Variants in CACNA1F observed in about 807,000 individuals in gnomAD.
The protein encoded by CACNA1F is calcium voltage-gated channel subunit alpha1 F.
CACNA1F carries 59 observed loss-of-function variants against 143.8 expected under a neutral mutation model. That is an observed-to-expected ratio of 0.41 (90% CI 0.33 to 0.51). The LOEUF is 0.51. Among genes scored for constraint, CACNA1F ranks in the 20% least tolerant of loss-of-function variants. CACNA1F has a pLI of 0.22. For synonymous variants in CACNA1F, 643 were observed against 649.1 expected (o/e 0.99, Z 0.14); for missense variants, 1,411 against 1,647.5 (o/e 0.86, Z 2.48).
In CACNA1F at chrX:49,210,684, C is replaced by T; in HGVS notation, c.4391G>A (p.Gly1464Asp). The part of the protein sequence containing the change: ...IWSEYDPGAK[G>D]RIKHLDVVAL... Reference sequence around the variant, plus strand: ...AACCACATCCAAGTGTTTGATGCGGCCCCTGGAGGAGTTGGGGAGGTACCA... The same window carrying T: ...AACCACATCCAAGTGTTTGATGCGGTCCCTGGAGGAGTTGGGGAGGTACCA... The change falls in exon 38 of 48, where the codon GGC becomes GAC. Residue 1464 changes from glycine to aspartate, a missense_variant and splice_region_variant. Physicochemically the swap from Gly to Asp is moderately conservative, Grantham distance 94. Transcript: ENST00000323022. 1 of 1,203,799 alleles carries T rather than the reference C, an allele frequency of 8.3e-7. No individual in the cohort carries two copies. Among genetic ancestry groups the T allele is most frequent in the Non-Finnish European group, 1.1e-6 (1 of 889,714 alleles).
rs373293945 is a variant in CACNA1F at position 49,218,735 on chromosome X, T to C, written c.2734A>G (p.Met912Val). ...SIFTVEILLK[M>V]TVFGAFLHRG... ...TGCAGGAAGGCCCCAAACACTGTCA[T>C]CTGGGGACAGGACAAGAGGCTAGAC... is the stretch of plus-strand genomic sequence containing the variant. Residue 912 changes from methionine to valine, a missense_variant and splice_region_variant, in exon 23 of 48, where the codon ATG becomes GTG. Met to Val is a conservative substitution (Grantham distance 21). This residue lies in a region of CACNA1F where 950 missense variants were observed against 1,128.1 expected (regional missense o/e 0.84). Transcript: ENST00000323022. 1.9e-6 allele frequency: 2 copies of C among 1,061,379 alleles called. No individual in the cohort carries two copies. Among genetic ancestry groups the C allele is most frequent in the Non-Finnish European group, 2.5e-6 (2 of 805,078 alleles). 87.5% of individuals were successfully genotyped at this position (1,061,379 alleles called of 1,213,427 possible). A position where few individuals can be genotyped will look rare whatever the true frequency, so the allele number is the denominator to read the frequency against.
intron 6 of CACNA1F, among the ~76,000 whole-genome samples, chrX:49,228,651 G>A (rs1019517114): frequency 8.9e-6 from 1 of 112,438 alleles, no homozygotes. Flanking sequence ...CACAACTTCC[G>A]CCTCCCGGGT....
Position 49,230,364 on chromosome X carries a change from T to G in CACNA1F, c.673A>C (p.Ile225Leu). 1 of 1,209,373 alleles carries G rather than the reference T, an allele frequency of 8.3e-7. No homozygotes were observed. Among genetic ancestry groups the G allele is most frequent in the Non-Finnish European group, 1.1e-6 (1 of 894,298 alleles). ...GCCTTCATGATGGAATTGAGCACTATGTGCAGGCCTGCGGGGAGGGAGGGG... is the reference window on the plus strand; with the variant it reads ...GCCTTCATGATGGAATTGAGCACTAGGTGCAGGCCTGCGGGGAGGGAGGGG... ...RLVSGVPSLHIVLNSIMKALV... is the reference protein window; with the variant it reads ...RLVSGVPSLHLVLNSIMKALV... Residue 225 changes from isoleucine (I) to leucine (L), a missense_variant, in exon 6 of 48, where the codon ATA (isoleucine) becomes CTA (leucine). By Grantham distance (5) the Ile-to-Leu change is conservative. Around this residue, in one of 3 missense-constraint regions of CACNA1F, gnomAD observed 950 missense variants for 1,128.1 expected, o/e 0.84. Coordinates refer to ENST00000323022, the MANE Select transcript of CACNA1F (RefSeq NM_001256789.3).
Position 49,231,237 on chromosome X carries a change from G to A in CACNA1F, c.346C>T (p.Pro116Ser), listed in dbSNP as rs1557111309. Residue 116 changes from proline to serine, a missense_variant, in exon 3 of 48, where the codon CCT becomes TCT. Pro to Ser is a moderately conservative substitution (Grantham distance 74). Transcript: ENST00000323022. The stretch of plus-strand genomic sequence containing the variant: ...TTGGCAGTGTTGGAGTCGTCCTCAG[G>A]GAAGGGGATGTAAACTCCCAGGGCC... ...CVALGVYIPF[P>S]EDDSNTANHN... 1 of 1,165,883 alleles carries A rather than the reference G, an allele frequency of 8.6e-7. No individual in the cohort carries two copies. The highest frequency in any genetic ancestry group is 1.1e-6 in the Non-Finnish European group (1 of 871,009).
chrX:49,232,397 C>G (rs1266524016), intron 1 of CACNA1F, among the ~76,000 whole-genome samples: 7 of 111,379 alleles, frequency 6.3e-5, no homozygotes, highest in African/African-American at 2.3e-4. Context: ...GCTAAGGCCA[C>G]TCCCAGTTCC....
Position 49,226,493 on chromosome X carries a change from G to C in CACNA1F, c.1379C>G (p.Pro460Arg). The C allele has an allele frequency of 8.4e-7, 1 of 1,187,621 alleles. No homozygotes were observed. Among genetic ancestry groups the C allele is most frequent in the Non-Finnish European group, 1.1e-6 (1 of 882,748 alleles). The change falls in exon 11 of 48, where the codon CCA becomes CGA. Residue 460 changes from proline (P) to arginine (R), a missense_variant. Pro to Arg is a moderately radical substitution (Grantham distance 103). Coordinates refer to ENST00000323022, the MANE Select transcript of CACNA1F (RefSeq NM_001256789.3). ...THSTSSHASL[P>R]ASDTGSMTET... ...TGTCATGGAACCGGTGTCACTGGCT[G>C]GGAGGCTGGCTGTAGGCAAGGTGGG...
Position 49,211,142 on chromosome X carries a change from C to T in CACNA1F, c.4261-50G>A, listed in dbSNP as rs1557106154. 6.7e-6 allele frequency: 8 copies of T among 1,185,980 alleles called. No homozygotes were observed. The South Asian group carries it at 1.3e-4, about 19-fold the overall frequency. On this transcript the variant is annotated intron_variant, in intron 36 of 47. Coordinates refer to ENST00000323022, the MANE Select transcript of CACNA1F (RefSeq NM_001256789.3). The stretch of plus-strand genomic sequence containing the variant: ...AGTTAGGTGAAGGGCAGAACACTGT[C>T]ATGGACGGATGGTGGGAGGCTGGGG...
chrX:49,228,561 C>T (rs782645131), intron 6 of CACNA1F, 114 bp from the exon 7 acceptor site: 181 of 579,316 alleles, frequency 3.1e-4, no homozygotes, highest in Admixed American at 3.1e-4. Context: ...TTCTCTTTCT[C>T]TCTTTCTTTC....
chrX:49,215,212 C>A lies in CACNA1F; in HGVS notation c.3471G>T (p.Gln1157His), dbSNP rs782392576. The A allele has an allele frequency of 1.7e-6, 2 of 1,210,873 alleles. No homozygotes were observed. The highest frequency in any genetic ancestry group is 2.2e-6 in the Non-Finnish European group (2 of 895,219). Reference protein sequence around the residue: ...RQCVEYALKAQPLRRYIPKNP... With the variant: ...RQCVEYALKAHPLRRYIPKNP... ...TCTTGGGGATGTAACGGCGGAGTGG[C>A]TGGGCCTTGAGGGCATATTCCACAC... Residue 1157 changes from glutamine (Q) to histidine (H), a missense_variant, in exon 29 of 48, where the codon CAG (glutamine) becomes CAT (histidine). By Grantham distance (24) the Gln-to-His change is conservative (BLOSUM62 0). Around this residue, in one of 3 missense-constraint regions of CACNA1F, gnomAD observed 950 missense variants for 1,128.1 expected, o/e 0.84. Transcript: ENST00000323022.
chrX:49,232,734 G>A (rs188682824), intron 1 of CACNA1F, among the ~76,000 whole-genome samples: 8 of 111,639 alleles, frequency 7.2e-5, no homozygotes, highest in Admixed American at 2.9e-4. Context: ...GGCTGAATGG[G>A]GAGTCACACT....
At chrX:49,213,974 A>AG in intron 30 of CACNA1F, 72 bp from the exon 31 acceptor site, 1 of 744,044 alleles carries the variant, frequency 1.3e-6, no homozygotes, top group Non-Finnish European at 2.1e-6. Flanking sequence ...CAGTAGTAGT[A>AG]GGGGGCGCCG....
At chrX:49,214,750 G>A (rs2065693433) in intron 29 of CACNA1F, among the ~76,000 whole-genome samples, 1 of 111,789 alleles carries the variant, frequency 8.9e-6, no homozygotes, top group Non-Finnish European at 1.9e-5. Flanking sequence ...AATACATGAG[G>A]TAATTACCAC....
At chrX:49,230,795 G>A (rs1270281873) in intron 4 of CACNA1F, 55 bp downstream of exon 4, 3 of 1,146,677 alleles carry the variant, frequency 2.6e-6, no homozygotes, top group African/African-American at 3.6e-5. Flanking sequence ...CCAGAATTCA[G>A]CGGGCCTGAC....
chrX:49,225,178 G>A (rs782582050), intron 13 of CACNA1F, among the ~76,000 whole-genome samples, 192 bp from the exon 14 acceptor site: 1 of 108,361 alleles, frequency 9.2e-6, no homozygotes, highest in African/African-American at 3.4e-5. Flanking sequence ...GCTTGGAGAT[G>A]GGGATGAGGG....
intron 21 of CACNA1F, 136 bp from the exon 22 acceptor site, chrX:49,219,077 G>A (rs1019324983): frequency 3.6e-5 from 22 of 611,310 alleles, no homozygotes; most frequent in African/African-American, 3.3e-4. Flanking sequence ...CTACATGGGC[G>A]CCTTTGGCCT....
At position 49,212,802 on chromosome X, in the gene CACNA1F, T is replaced by C. The variant is rs1369619634; in HGVS notation, c.3814-7A>G. 8.3e-7 allele frequency: 1 copy of C among 1,206,951 alleles called. No homozygotes were observed. The highest frequency in any genetic ancestry group is 1.1e-6 in the Non-Finnish European group (1 of 893,854). Reference sequence around the variant, plus strand: ...GGGAGCTGTCCTCAGAGCTCTGGGGTGAGGGGTGCAGTAGGGATGCTCAGT... The same window carrying C: ...GGGAGCTGTCCTCAGAGCTCTGGGGCGAGGGGTGCAGTAGGGATGCTCAGT... On this transcript the variant is annotated splice_polypyrimidine_tract_variant and splice_region_variant and intron_variant, in intron 32 of 47. Coordinates refer to ENST00000323022, the MANE Select transcript of CACNA1F (RefSeq NM_001256789.3).
At chrX:49,230,679 T>C in intron 4 of CACNA1F, 70 bp from the exon 5 acceptor site, 1 of 1,111,370 alleles carries the variant, frequency 9.0e-7, no homozygotes. Flanking sequence ...CCTAACCTTC[T>C]CAGAAAAGCA....
intron 41 of CACNA1F, 76 bp downstream of exon 41, chrX:49,209,553 A>G (rs1225534152): frequency 1.8e-5 from 21 of 1,177,082 alleles, no homozygotes; most frequent in Non-Finnish European, 2.4e-5. Context: ...TGGGTTTCAC[A>G]AGATCAAAAT....
rs781999409 is a variant in CACNA1F at position 49,225,920 on chromosome X, G to A, written c.1640C>T (p.Thr547Ile). 1 of 1,167,978 alleles carries A rather than the reference G, an allele frequency of 8.6e-7. No individual in the cohort carries two copies. Among genetic ancestry groups the A allele is most frequent in the African/African-American group, 1.8e-5 (1 of 56,380 alleles). ...GGCTGGGGGTGTACCCTGGATCTGG[G>A]TGAGCCACACAGGCTGCCCGTGGTG... ...SEHHGQPVWL[T>I]QIQEYANKVL... The change falls in exon 13 of 48, where the codon ACC (threonine) becomes ATC (isoleucine). Residue 547 changes from threonine (T) to isoleucine (I), a missense_variant. By Grantham distance (89) the Thr-to-Ile change is moderately conservative. Around this residue, in one of 3 missense-constraint regions of CACNA1F, gnomAD observed 950 missense variants for 1,128.1 expected, o/e 0.84. Transcript: ENST00000323022.
Sources: allele counts gnomAD v4.1 joint callset (sites outside exome capture counted in the v4.1 genomes callset), GRCh38; gene constraint gnomAD v4.1.1; regional missense constraint gnomAD v4.1.1; transcripts MANE v1.5; gene names NCBI Gene and HGNC (gene_info 2026-07-23, HGNC 2026-07-21).